Variants in GPSM2 observed in about 807,000 individuals in gnomAD.
GPSM2 encodes G protein-signaling modulator 2.
In GPSM2, 58 loss-of-function variants were observed where a neutral mutation model predicts 78.4. The ratio of observed to expected loss-of-function variants is 0.74; its 90% confidence interval spans 0.60 to 0.92. GPSM2 has a LOEUF of 0.92. Ranked by LOEUF, GPSM2 falls within the 40% of genes least tolerant of loss-of-function variation. GPSM2 has a pLI of 0.00. For synonymous variants in GPSM2, 224 were observed against 280.2 expected, an observed-to-expected ratio of 0.80 and a Z score of 2.00; for missense variants, 700 against 815.5, an observed-to-expected ratio of 0.86 and a Z score of 1.73.
chr1:108,879,601 G>A (rs539282083), intron 1 of GPSM2, among the ~76,000 whole-genome samples: 136 of 152,236 alleles, frequency 8.9e-4, no homozygotes, highest in African/African-American at 3.1e-3. Context: ...TTGGGAGGCC[G>A]AGGTGGGCGG....
At chr1:108,925,522 AGGGTGGGCTGGGGAG>A (rs1446456818) in intron 14 of GPSM2, among the ~76,000 whole-genome samples, 2 of 138,190 alleles carry the variant, frequency 1.4e-5, no homozygotes, top group African/African-American at 5.3e-5. Context: ...GGATACCCCA[AGGGTGGGCTGGGGAG>A]GGGTGGGGTG....
At position 108,897,571 on chromosome 1, in the gene GPSM2, G is replaced by A. The variant is rs754926445; in HGVS notation, c.358G>A (p.Glu120Lys). ...NTLKVLGNFD[E>K]AIVCCQRHLD... ...CTTAAAAGTTCTTGGGAATTTTGAC[G>A]AAGCCATAGTTTGTTGTCAGCGACA... Residue 120 changes from glutamate (E) to lysine (K), a missense_variant, in exon 4 of 15, where the codon GAA becomes AAA. Coordinates refer to ENST00000264126, the MANE Select transcript of GPSM2 (RefSeq NM_013296.5). 188 of 1,613,300 alleles carry A rather than the reference G, an allele frequency of 1.2e-4. No homozygotes were observed. The highest frequency in any genetic ancestry group is 1.4e-4 in the Non-Finnish European group (169 of 1,179,654).
intron 12 of GPSM2, among the ~76,000 whole-genome samples, chr1:108,920,631 G>A (rs949749731): frequency 1.3e-5 from 2 of 151,942 alleles, no homozygotes; most frequent in Non-Finnish European, 2.9e-5. Context: ...CCAGTCTGTG[G>A]TATTGTTATA....
intron 11 of GPSM2, 27 bp from the exon 12 acceptor site, chr1:108,918,586 A>G: frequency 6.3e-7 from 1 of 1,584,454 alleles, no homozygotes. Context: ...GTGTTTATTC[A>G]CCTGCCTTCC....
chr1:108,910,538 A>G (rs1334695812), intron 10 of GPSM2, among the ~76,000 whole-genome samples: 1 of 152,218 alleles, frequency 6.6e-6, no homozygotes, highest in Non-Finnish European at 1.5e-5. Flanking sequence ...TCTTTACAAA[A>G]TATTAGCAAA....
chr1:108,922,103 A>C (rs1570952407), intron 12 of GPSM2, among the ~76,000 whole-genome samples: 2 of 152,160 alleles, frequency 1.3e-5, no homozygotes, highest in East Asian at 3.8e-4. Flanking sequence ...CCACTGCAGA[A>C]TGTTTAGAAC....
At chr1:108,910,816 T>C (rs1421559200) in intron 10 of GPSM2, among the ~76,000 whole-genome samples, 2 of 150,256 alleles carry the variant, frequency 1.3e-5, no homozygotes, top group African/African-American at 2.5e-5. Flanking sequence ...TGAGCCGAGA[T>C]AGCACCACTG....
chr1:108,924,476 GTTGTA>G, intron 14 of GPSM2: 1 of 488,034 alleles, frequency 2.0e-6, no homozygotes, highest in Non-Finnish European at 3.7e-6. Flanking sequence ...GTATATGTGT[GTTGTA>G]TTAGGTAATT....
chr1:108,890,109 G>A (rs1334386944), intron 2 of GPSM2, among the ~76,000 whole-genome samples: 4 of 152,122 alleles, frequency 2.6e-5, no homozygotes, highest in African/African-American at 9.7e-5. Context: ...TGGCCTCCGT[G>A]TGCTCATATT....
intron 2 of GPSM2, among the ~76,000 whole-genome samples, chr1:108,890,054 T>C (rs1162256779): frequency 6.6e-6 from 1 of 152,200 alleles, no homozygotes; most frequent in Non-Finnish European, 1.5e-5. Flanking sequence ...GCTCGGAGAT[T>C]ATCTCCTCCT....
chr1:108,910,727 G>A (rs1362861774), intron 10 of GPSM2, among the ~76,000 whole-genome samples: 1 of 152,028 alleles, frequency 6.6e-6, no homozygotes, highest in Non-Finnish European at 1.5e-5. Flanking sequence ...GCCAGGGGTG[G>A]TGGTGTGTGC....
intron 2 of GPSM2, among the ~76,000 whole-genome samples, chr1:108,887,768 C>G (rs1570881979): frequency 6.6e-6 from 1 of 152,318 alleles, no homozygotes; most frequent in East Asian, 1.9e-4. Context: ...AGCCTACCCC[C>G]ATCCGTGTGT....
intron 1 of GPSM2, among the ~76,000 whole-genome samples, chr1:108,882,337 G>A (rs1665940859): frequency 1.3e-5 from 2 of 152,124 alleles, no homozygotes; most frequent in Non-Finnish European, 2.9e-5. Context: ...GGATGCTCAA[G>A]TTCCTTATAT....
intron 10 of GPSM2, chr1:108,910,127 G>C (rs1649616094): frequency 6.6e-6 from 1 of 152,118 alleles, no homozygotes; most frequent in African/African-American, 2.4e-5. Flanking sequence ...TAAATATGCA[G>C]AGATTAAAAA....
In GPSM2 at chr1:108,929,877, CT is replaced by C. The variant is rs772268313; in HGVS notation, c.1997del (p.Leu666CysfsTer42). 1.4e-5 allele frequency: 22 copies of C among 1,613,770 alleles called. No individual in the cohort carries two copies. Among genetic ancestry groups the C allele is most frequent in the Non-Finnish European group, 1.9e-5 (22 of 1,179,740 alleles). ...NRDTDFGLKD[F>X]LQNNALLEFK... ...GAGACACTGACTTTGGGCTAAAGGA[CT>C]TTTTGCAAAATAATGCTTTGTTGGA... On this transcript the variant is annotated frameshift_variant, in exon 15 of 15. Transcript: ENST00000264126. LOFTEE classifies it high-confidence loss of function.
chr1:108,918,750 C>T lies in GPSM2; in HGVS notation c.1401C>T (p.Ala467=), dbSNP rs768529456. 6.1e-5 allele frequency: 99 copies of T among 1,613,538 alleles called. No individual in the cohort carries two copies. In the Middle Eastern group the frequency reaches 1.3e-3, roughly 22 times the overall value. The change falls in exon 12 of 15, where the codon GCC becomes GCT. Residue 467 remains alanine (A), a synonymous_variant. Coordinates refer to ENST00000264126, the MANE Select transcript of GPSM2 (RefSeq NM_013296.5). ...TNSSTKVLQD[A]SNSIDHRIPN... is the part of the protein sequence containing the mutation. ...CCTCCACTAAAGTTCTCCAAGATGC[C>T]AGTAATTCTATTGACCACCGAATTC...
In GPSM2 at chr1:108,930,921, A is replaced by G. The variant is rs527992240; in HGVS notation, c.*981A>G. On this transcript the variant is annotated 3_prime_UTR_variant, in exon 15 of 15. Coordinates refer to ENST00000264126, the MANE Select transcript of GPSM2 (RefSeq NM_013296.5). Reference sequence around the variant, plus strand: ...AAAAAAAAACAGCAAGCATGCTGGCACACACCTGTAGTCCCAACTGCTTAA... The same window carrying G: ...AAAAAAAAACAGCAAGCATGCTGGCGCACACCTGTAGTCCCAACTGCTTAA... 4.7e-4 allele frequency: 72 copies of G among 153,456 alleles called. 1 individual carries two copies. The highest frequency in any genetic ancestry group is 8.5e-4 in the Non-Finnish European group (59 of 69,734). The allele number at this position is 153,456 out of a possible 1,614,324, so 9.5% of individuals were successfully genotyped here. A position where few individuals can be genotyped will look rare whatever the true frequency, so the allele number is the denominator to read the frequency against.
chr1:108,927,525 G>C (rs1469647532), intron 14 of GPSM2, among the ~76,000 whole-genome samples: 1 of 152,122 alleles, frequency 6.6e-6, no homozygotes, highest in East Asian at 1.9e-4. Flanking sequence ...GGGGTGCCAA[G>C]ACCATTCAGT....
chr1:108,918,786 G>C lies in GPSM2; in HGVS notation c.1437G>C (p.Gln479His). ...NSIDHRIPNSQRKISADTIGD... is the reference protein window; with the variant it reads ...NSIDHRIPNSHRKISADTIGD... ...TTGACCACCGAATTCCAAATTCTCA[G>C]AGGGTACGTTTAAACTAAGTTTTTG... The change falls in exon 12 of 15, where the codon CAG becomes CAC. Residue 479 changes from glutamine to histidine, a missense_variant. By Grantham distance (24) the Gln-to-His change is conservative (BLOSUM62 0). Coordinates refer to ENST00000264126, the MANE Select transcript of GPSM2 (RefSeq NM_013296.5). The C allele has an allele frequency of 6.2e-7, 1 of 1,609,804 alleles. No homozygotes were observed. The highest frequency in any genetic ancestry group is 2.2e-5 in the East Asian group (1 of 44,834).
Sources: gnomAD v4.1 joint callset for allele counts (sites outside exome capture counted in the v4.1 genomes callset) on GRCh38, gnomAD v4.1.1 for gene constraint, MANE v1.5 for transcripts, NCBI Gene and HGNC (gene_info 2026-07-23, HGNC 2026-07-21) for gene names.